NYAP2: variants seen among roughly 807,000 people sequenced by gnomAD.
NYAP2 encodes the protein neuronal tyrosine-phosphorylated phosphoinositide-3-kinase adapter 2.
In NYAP2, 23 loss-of-function variants were observed where a neutral mutation model predicts 50.4. That is an observed-to-expected ratio of 0.46 (90% confidence interval 0.33 to 0.65). The LOEUF (loss-of-function observed/expected upper bound fraction) is 0.65, where lower values mean the gene tolerates loss of function less well. NYAP2 is among the 30% of genes least tolerant of loss of function. The probability of loss-of-function intolerance (pLI) is 0.02; values close to 1 mark genes in which losing one functional copy is unlikely to be tolerated. For synonymous variants in NYAP2, 394 were observed against 365.2 expected, an observed-to-expected ratio of 1.08 and a Z score of -0.90; for missense variants, 885 against 861.0, an observed-to-expected ratio of 1.03 and a Z score of -0.35.
At chr2:225,499,559 G>A (rs192525875) in intron 3 of NYAP2, among the ~76,000 whole-genome samples, 7 of 151,990 alleles carry the variant, frequency 4.6e-5, no homozygotes, top group South Asian at 2.1e-4. Flanking sequence ...CCGGTGACCC[G>A]CCCATCTTGG....
At chr2:225,618,672 A>G (rs1472332550) in intron 5 of NYAP2, among the ~76,000 whole-genome samples, 1 of 152,162 alleles carries the variant, frequency 6.6e-6, no homozygotes, top group Non-Finnish European at 1.5e-5. Context: ...AGAGAAAACA[A>G]CTCATCATCT....
intron 3 of NYAP2, among the ~76,000 whole-genome samples, chr2:225,482,549 A>G (rs899379322): frequency 6.6e-6 from 1 of 152,184 alleles, no homozygotes; most frequent in Admixed American, 6.5e-5. Flanking sequence ...CAATAGAAAG[A>G]GAGTGTGGGG....
In NYAP2 at chr2:225,459,198, T is replaced by G. The variant is rs1349458177; in HGVS notation, c.221+50097T>G. Among the ~76,000 whole-genome samples the G allele has an allele frequency of 2.0e-5, 3 of 152,370 alleles. No homozygotes were observed. The East Asian group carries it at 5.8e-4, about 29-fold the overall frequency. On this transcript the variant is annotated intron_variant, in intron 3 of 6. Transcript: ENST00000636099. ...ATGATTTTAAATTATGTTTACTTTT[T>G]AATATCTGTTTTTAATTTGGATTCT... is the stretch of plus-strand genomic sequence containing the variant.
chr2:225,554,321 C>CT (rs751259949), intron 4 of NYAP2, among the ~76,000 whole-genome samples: 3,254 of 131,610 alleles, frequency 0.025, 79 homozygotes, highest in African/African-American at 0.056. Context: ...AAACATTTAT[C>CT]TTTTTTTTTT....
chr2:225,399,116 A>G (rs1694816171), upstream of NYAP2, among the ~76,000 whole-genome samples: 1 of 152,092 alleles, frequency 6.6e-6, no homozygotes, highest in African/African-American at 2.4e-5. Flanking sequence ...GGTCATTTAC[A>G]GTGAGTTACT....
intron 6 of NYAP2, among the ~76,000 whole-genome samples, chr2:225,629,351 G>C (rs1398984730): frequency 6.6e-6 from 1 of 152,124 alleles, no homozygotes; most frequent in East Asian, 1.9e-4. Context: ...TCTTTACTTA[G>C]ACTAGTGATT....
At chr2:225,441,825 T>C (rs1339123177) in intron 3 of NYAP2, among the ~76,000 whole-genome samples, 2 of 152,192 alleles carry the variant, frequency 1.3e-5, no homozygotes, top group African/African-American at 4.8e-5. Flanking sequence ...AGTGAAATAA[T>C]GTTGGACAAG....
intron 3 of NYAP2, among the ~76,000 whole-genome samples, chr2:225,422,450 AT>A (rs1002976563): frequency 6.6e-6 from 1 of 152,118 alleles, no homozygotes; most frequent in South Asian, 2.1e-4. Flanking sequence ...CTCATGACAA[AT>A]TTTTTTCAGA....
At chr2:225,626,189 T>C (rs1693207904) in intron 5 of NYAP2, among the ~76,000 whole-genome samples, 1 of 152,128 alleles carries the variant, frequency 6.6e-6, no homozygotes, top group Admixed American at 6.5e-5. Context: ...GTTGGATAAA[T>C]GAATGTAAAG....
At chr2:225,438,406 T>C (rs1054310760) in intron 3 of NYAP2, among the ~76,000 whole-genome samples, 1 of 152,232 alleles carries the variant, frequency 6.6e-6, no homozygotes, top group Non-Finnish European at 1.5e-5. Context: ...TTCATCACAG[T>C]GCATTGCCTC....
intron 4 of NYAP2, among the ~76,000 whole-genome samples, chr2:225,516,201 G>T (rs1480973878): frequency 6.6e-6 from 1 of 152,160 alleles, no homozygotes; most frequent in South Asian, 2.1e-4. Flanking sequence ...AGTTCCTGGG[G>T]CAGAGAGTAT....
downstream of NYAP2, among the ~76,000 whole-genome samples, chr2:225,655,773 C>T (rs965559261): frequency 6.6e-5 from 10 of 151,948 alleles, no homozygotes; most frequent in African/African-American, 2.2e-4. Flanking sequence ...AAGAATGGAG[C>T]GGCTAAGATG....
In NYAP2 at chr2:225,407,952, A is replaced by G. The variant is rs375917511; in HGVS notation, c.-17-912A>G. Among the ~76,000 whole-genome samples, 9 of 152,050 alleles carry G rather than the reference A, an allele frequency of 5.9e-5. No homozygotes were observed. The East Asian group carries it at 7.7e-4, about 13-fold the overall frequency. On this transcript the variant is annotated intron_variant, in intron 2 of 6. Transcript: ENST00000636099. ...ATAATATTAGCTAATAGTATTATAT[A>G]CTTACTATTGTTGAACTCTATTCTA...
At chr2:225,457,120 T>A (rs1454669855) in intron 3 of NYAP2, among the ~76,000 whole-genome samples, 1 of 152,216 alleles carries the variant, frequency 6.6e-6, no homozygotes, top group African/African-American at 2.4e-5. Flanking sequence ...ATCGAGCCCA[T>A]ATCATGTGCC....
chr2:225,552,424 T>C (rs553317616), intron 4 of NYAP2, among the ~76,000 whole-genome samples: 2 of 152,278 alleles, frequency 1.3e-5, no homozygotes, highest in East Asian at 3.9e-4. Flanking sequence ...TACCACCAAA[T>C]TCATATGATG....
intron 3 of NYAP2, among the ~76,000 whole-genome samples, chr2:225,490,918 CAT>C (rs1001612286): frequency 1.3e-5 from 2 of 152,142 alleles, no homozygotes; most frequent in African/African-American, 4.8e-5. Flanking sequence ...CTGCATGGAG[CAT>C]TACACTCTTG....
chr2:225,400,418 G>T (rs1341817240), intron 1 of NYAP2, 143 bp from the exon 2 acceptor site: 1 of 151,994 alleles, frequency 6.6e-6, no homozygotes, highest in South Asian at 2.1e-4. Context: ...GGTTGTCACG[G>T]GGGAGGGACT....
At chr2:225,505,599 G>C (rs1690689884) in intron 3 of NYAP2, among the ~76,000 whole-genome samples, 1 of 152,148 alleles carries the variant, frequency 6.6e-6, no homozygotes, top group Admixed American at 6.5e-5. Context: ...TTTGTTTCCT[G>C]TGTTGTATCA....
At chr2:225,487,154 C>T (rs535745736) in intron 3 of NYAP2, among the ~76,000 whole-genome samples, 23 of 152,192 alleles carry the variant, frequency 1.5e-4, no homozygotes, top group Non-Finnish European at 2.9e-4. Context: ...GGCATAGTCT[C>T]TGCTTTGCAC....
Sources: allele counts gnomAD v4.1 joint callset (sites outside exome capture counted in the v4.1 genomes callset), GRCh38; gene constraint gnomAD v4.1.1; transcripts MANE v1.5; gene names NCBI Gene and HGNC (gene_info 2026-07-23, HGNC 2026-07-21).